The following FRAS1 variants were observed in gnomAD, a reference collection of about 807,000 sequenced individuals.
The protein encoded by FRAS1 is extracellular matrix organizing protein FRAS1.
A neutral mutation model predicts 435.2 loss-of-function variants in FRAS1; 290 were observed. The ratio of observed to expected loss-of-function variants is 0.67; its 90% confidence interval spans 0.61 to 0.73. The LOEUF (loss-of-function observed/expected upper bound fraction) is 0.73. Among genes scored for constraint, FRAS1 ranks in the 30% least tolerant of loss-of-function variants. The pLI is 0.00. For synonymous variants in FRAS1, 1,800 were observed against 1,851.0 expected (o/e 0.97, Z 0.71); for missense variants, 4,860 against 5,001.5 (o/e 0.97, Z 0.85).
intron 16 of FRAS1, 32 bp from the exon 17 acceptor site, chr4:78,317,336 C>T: frequency 6.2e-7 from 1 of 1,613,356 alleles, no homozygotes; most frequent in Non-Finnish European, 8.5e-7. Context: ...ACCCATGTCC[C>T]ATGGCGTTCT....
chr4:78,315,761 A>G, intron 16 of FRAS1, 27 bp downstream of exon 16: 1 of 1,613,116 alleles, frequency 6.2e-7, no homozygotes, highest in Non-Finnish European at 8.5e-7. Context: ...CATCATCATC[A>G]TCAAAAAGTA....
intron 29 of FRAS1, among the ~76,000 whole-genome samples, chr4:78,392,566 T>C (rs999931378): frequency 6.6e-6 from 1 of 152,116 alleles, no homozygotes; most frequent in Non-Finnish European, 1.5e-5. Flanking sequence ...TAATATGATA[T>C]GGAATGGCTA....
chr4:78,255,228 C>G lies in FRAS1; in HGVS notation c.470-14C>G. 6.4e-7 allele frequency: 1 copy of G among 1,551,704 alleles called. No homozygotes were observed. The highest frequency in any genetic ancestry group is 8.7e-7 in the Non-Finnish European group (1 of 1,146,942). ...GCCATCCCCCTAGTAATCCTTGTTT[C>G]TTTGACCTTCCAGAACCCTGTTCCT... On this transcript the variant is annotated splice_polypyrimidine_tract_variant and intron_variant, in intron 5 of 73. Transcript: ENST00000512123.
At chr4:78,386,933 G>A (rs1431914566) in intron 28 of FRAS1, among the ~76,000 whole-genome samples, 11 of 152,130 alleles carry the variant, frequency 7.2e-5, no homozygotes, top group African/African-American at 2.7e-4. Flanking sequence ...ATTACTGGGA[G>A]GGACTAGAAA....
intron 31 of FRAS1, among the ~76,000 whole-genome samples, chr4:78,410,405 A>T (rs1578306324): frequency 6.6e-6 from 1 of 150,972 alleles, no homozygotes; most frequent in East Asian, 1.9e-4. Context: ...GAAAAAAATA[A>T]AAAATAAAAA....
intron 2 of FRAS1, among the ~76,000 whole-genome samples, chr4:78,079,375 C>T (rs1740797268): frequency 6.6e-6 from 1 of 152,026 alleles, no homozygotes; most frequent in African/African-American, 2.4e-5. Flanking sequence ...TGGAATCAAA[C>T]CACAAGTGGC....
chr4:78,285,370 G>GA (rs1401136870), intron 13 of FRAS1, among the ~76,000 whole-genome samples: 7 of 146,434 alleles, frequency 4.8e-5, no homozygotes, highest in African/African-American at 7.5e-5. Context: ...AAAAAAAAAA[G>GA]AAAAAAAAAG....
At chr4:78,258,479 T>C (rs1725901745) in intron 6 of FRAS1, among the ~76,000 whole-genome samples, 1 of 151,748 alleles carries the variant, frequency 6.6e-6, no homozygotes, top group Non-Finnish European at 1.5e-5. Flanking sequence ...GACTATAATC[T>C]CTTCCCATCC....
intron 32 of FRAS1, among the ~76,000 whole-genome samples, chr4:78,416,486 A>AGTGGCTTCCTAGATATG (rs1578310249): frequency 6.6e-6 from 1 of 152,062 alleles, no homozygotes; most frequent in Non-Finnish European, 1.5e-5. Context: ...TTAGAGACAC[A>AGTGGCTTCCTAGATATG]GTGGCTTCCT....
chr4:78,525,877 A>G (rs963807023), intron 69 of FRAS1, among the ~76,000 whole-genome samples: 1 of 152,200 alleles, frequency 6.6e-6, no homozygotes, highest in African/African-American at 2.4e-5. Flanking sequence ...CCCCCCATAA[A>G]CAGGGAAGTC....
At position 78,418,954 on chromosome 4, in the gene FRAS1, A is replaced by G. The variant is rs1302727837; in HGVS notation, c.4431A>G (p.Arg1477=). Residue 1477 remains arginine (R), a synonymous_variant, in exon 33 of 74, where the codon AGA becomes AGG. Coordinates refer to ENST00000512123, the MANE Select transcript of FRAS1 (RefSeq NM_025074.7). ...CCTTCTTAAACTTTGTTTAGGCTAG[A>G]GAAGATGGCCTGACTGTTATTCAGC... The part of the protein sequence containing the change: ...SLEASLHMTA[R]EDGLTVIQPH... The G allele has an allele frequency of 6.3e-7, 1 of 1,592,126 alleles. No individual in the cohort carries two copies. Among genetic ancestry groups the G allele is most frequent in the Admixed American group, 1.7e-5 (1 of 58,312 alleles).
chr4:78,257,048 G>A (rs1578210207), intron 6 of FRAS1, among the ~76,000 whole-genome samples: 1 of 151,990 alleles, frequency 6.6e-6, no homozygotes, highest in Non-Finnish European at 1.5e-5. Flanking sequence ...ACCATTTTGG[G>A]TGTTTACTAT....
At chr4:78,092,763 T>G (rs1741597120) in intron 2 of FRAS1, among the ~76,000 whole-genome samples, 1 of 152,162 alleles carries the variant, frequency 6.6e-6, no homozygotes, top group African/African-American at 2.4e-5. Flanking sequence ...ATAAAGAGCC[T>G]TTTTCTGTGA....
intron 2 of FRAS1, among the ~76,000 whole-genome samples, chr4:78,109,402 T>C (rs1742576266): frequency 6.7e-6 from 1 of 149,348 alleles, no homozygotes; most frequent in Non-Finnish European, 1.5e-5. Context: ...TTATCCACCA[T>C]GATCAAGTGG....
intron 2 of FRAS1, among the ~76,000 whole-genome samples, chr4:78,194,562 A>G (rs1722710724): frequency 6.6e-6 from 1 of 152,170 alleles, no homozygotes; most frequent in Admixed American, 6.5e-5. Context: ...AGTTGATCGA[A>G]TTGGCGACTG....
At chr4:78,443,681 T>C (rs868845094) in intron 41 of FRAS1, among the ~76,000 whole-genome samples, 1 of 152,258 alleles carries the variant, frequency 6.6e-6, no homozygotes, top group Non-Finnish European at 1.5e-5. Context: ...GGTAGCACAT[T>C]AATAAGAATG....
At chr4:78,126,734 A>G (rs1007116144) in intron 2 of FRAS1, among the ~76,000 whole-genome samples, 4 of 152,212 alleles carry the variant, frequency 2.6e-5, no homozygotes, top group African/African-American at 9.6e-5. Flanking sequence ...ATTTTTAATC[A>G]CATCACGTGT....
chr4:78,315,341 T>C (rs1039848141), intron 15 of FRAS1, among the ~76,000 whole-genome samples: 4 of 152,348 alleles, frequency 2.6e-5, no homozygotes, highest in Admixed American at 6.5e-5. Flanking sequence ...TTAAGTTGGT[T>C]ACACTGGTGG....
chr4:78,137,084 T>G (rs1719950418), intron 2 of FRAS1, among the ~76,000 whole-genome samples: 1 of 152,210 alleles, frequency 6.6e-6, no homozygotes, highest in Non-Finnish European at 1.5e-5. Flanking sequence ...ATGCTACATC[T>G]CAAAATCCTG....
Sources: gnomAD v4.1 joint callset for allele counts (sites outside exome capture counted in the v4.1 genomes callset) on GRCh38, gnomAD v4.1.1 for gene constraint, MANE v1.5 for transcripts, NCBI Gene and HGNC (gene_info 2026-07-23, HGNC 2026-07-21) for gene names.